The following FOXP2 variants were observed in gnomAD, a reference collection of about 807,000 sequenced individuals.
The protein encoded by FOXP2 is forkhead box P2, also known as forkhead box protein P2.
FOXP2 carries 12 observed loss-of-function variants against 115.8 expected under a neutral mutation model. That is an observed-to-expected ratio of 0.10 (90% CI 0.07 to 0.17). FOXP2 has a LOEUF of 0.17. Ranked by LOEUF, FOXP2 falls within the 10% of genes least tolerant of loss-of-function variation. The probability of loss-of-function intolerance (pLI) is 1.00; values close to 1 mark genes in which losing one functional copy is unlikely to be tolerated. For missense variants in FOXP2, 629 were observed against 843.5 expected, an observed-to-expected ratio of 0.75 and a Z score of 3.15; for synonymous variants, 328 against 297.7, an observed-to-expected ratio of 1.10 and a Z score of -1.05.
intron 8 of FOXP2, 200 bp downstream of exon 8, chr7:114,644,989 G>A: frequency 4.1e-6 from 2 of 493,218 alleles, no homozygotes; most frequent in Non-Finnish European, 7.3e-6. Context: ...AAATCATTTA[G>A]TAAAGATTTT....
At chr7:114,287,778 T>C (rs1377983687) in intron 1 of FOXP2, among the ~76,000 whole-genome samples, 1 of 151,974 alleles carries the variant, frequency 6.6e-6, no homozygotes, top group Non-Finnish European at 1.5e-5. Flanking sequence ...AAGTGCATCT[T>C]ATGCTGTCTC....
At chr7:114,388,765 C>A (rs1235344263) in intron 2 of FOXP2, among the ~76,000 whole-genome samples, 1 of 131,092 alleles carries the variant, frequency 7.6e-6, no homozygotes, top group Admixed American at 7.2e-5. Context: ...ATTTAGACAA[C>A]TTAACAGCAT....
chr7:114,399,775 A>G (rs1309866897), intron 2 of FOXP2, among the ~76,000 whole-genome samples: 2 of 152,138 alleles, frequency 1.3e-5, no homozygotes, highest in African/African-American at 4.8e-5. Flanking sequence ...TATTGGGACA[A>G]AAAACAGACC....
chr7:114,413,329 C>T (rs187813219), upstream of FOXP2, among the ~76,000 whole-genome samples: 44 of 152,094 alleles, frequency 2.9e-4, no homozygotes, highest in East Asian at 5.2e-3. Flanking sequence ...CTTGAATATT[C>T]GCAGTTGTTT....
intron 1 of FOXP2, among the ~76,000 whole-genome samples, chr7:114,131,632 G>T (rs985838128): frequency 3.9e-5 from 6 of 152,054 alleles, no homozygotes; most frequent in Non-Finnish European, 8.8e-5. Context: ...GAATTGCCAA[G>T]ATTCCATTGC....
rs1467024047 is a variant in FOXP2, at chr7:114,693,722, C to G, written c.*3796C>G. Reference sequence around the variant, plus strand: ...TGAAACCATTTCATTCACTTGATTACATTTCTGAAGTATAAATAAAAAAAT... The same window carrying G: ...TGAAACCATTTCATTCACTTGATTAGATTTCTGAAGTATAAATAAAAAAAT... On this transcript the variant is annotated 3_prime_UTR_variant, in exon 17 of 17. Coordinates refer to ENST00000350908, the MANE Select transcript of FOXP2 (RefSeq NM_014491.4). 3.1e-6 allele frequency: 1 copy of G among 326,440 alleles called. No individual in the cohort carries two copies. The highest frequency in any genetic ancestry group is 2.2e-5 in the African/African-American group (1 of 45,692). The allele number at this position is 326,440 out of a possible 1,614,324, so 20.2% of individuals were successfully genotyped here.
chr7:114,619,267 T>C (rs1374289494), intron 3 of FOXP2, among the ~76,000 whole-genome samples: 2 of 152,174 alleles, frequency 1.3e-5, no homozygotes, highest in Non-Finnish European at 2.9e-5. Context: ...ATACTAGTTA[T>C]ATTATCTTCA....
At chr7:114,636,296 G>T (rs1040178437) in intron 6 of FOXP2, among the ~76,000 whole-genome samples, 5 of 152,128 alleles carry the variant, frequency 3.3e-5, no homozygotes, top group African/African-American at 9.7e-5. Context: ...TTCTGGCCAT[G>T]TATGTATACC....
At chr7:114,461,623 T>A (rs910018565) in intron 2 of FOXP2, among the ~76,000 whole-genome samples, 6 of 152,174 alleles carry the variant, frequency 3.9e-5, no homozygotes, top group African/African-American at 1.4e-4. Context: ...ACTAGGTTTC[T>A]TTCTGAAATT....
At chr7:114,201,951 A>G (rs956965875) in intron 1 of FOXP2, among the ~76,000 whole-genome samples, 2 of 152,200 alleles carry the variant, frequency 1.3e-5, no homozygotes, top group African/African-American at 4.8e-5. Flanking sequence ...ATCAAACTGT[A>G]AGAAACAAGA....
At chr7:114,652,125 T>C in intron 8 of FOXP2, 78 bp from the exon 9 acceptor site, 1 of 1,297,164 alleles carries the variant, frequency 7.7e-7, no homozygotes, top group Admixed American at 1.7e-5. Context: ...GACTTCAGTG[T>C]AGTGCTTTTT....
intron 1 of FOXP2, among the ~76,000 whole-genome samples, chr7:114,256,011 G>A (rs1795601511): frequency 6.6e-6 from 1 of 152,190 alleles, no homozygotes. Flanking sequence ...CCCACTCACA[G>A]TGTAAAAGTA....
intron 1 of FOXP2, among the ~76,000 whole-genome samples, chr7:114,236,706 A>G (rs923616085): frequency 2.0e-5 from 3 of 152,206 alleles, no homozygotes; most frequent in Non-Finnish European, 4.4e-5. Context: ...TTACATGCAC[A>G]GTGGTCACTC....
intron 1 of FOXP2, among the ~76,000 whole-genome samples, chr7:114,092,307 C>G (rs75640853): frequency 8.6e-4 from 130 of 151,898 alleles, no homozygotes; most frequent in African/African-American, 3.1e-3. Flanking sequence ...ATTAGAATGT[C>G]TTAAAGATTT....
At chr7:114,531,638 T>C (rs1472333064) in intron 2 of FOXP2, among the ~76,000 whole-genome samples, 1 of 151,978 alleles carries the variant, frequency 6.6e-6, no homozygotes, top group African/African-American at 2.4e-5. Flanking sequence ...CAGTCTCTAC[T>C]CTACCAAAAG....
In FOXP2 at chr7:114,631,627, C is replaced by T. The variant is rs1440990752; in HGVS notation, c.697C>T (p.Leu233=). Residue 233 remains leucine, a synonymous_variant, in exon 6 of 17, where the codon CTG becomes TTG. Coordinates refer to ENST00000350908, the MANE Select transcript of FOXP2 (RefSeq NM_014491.4). Reference sequence around the variant, plus strand: ...GCAACAACTCCAGCAGCAGCAGCATCTGCTCAGCCTTCAGCGTCAGGGACT... The same window carrying T: ...GCAACAACTCCAGCAGCAGCAGCATTTGCTCAGCCTTCAGCGTCAGGGACT... ...QMQQLQQQQH[L]LSLQRQGLIS... is the part of the protein sequence containing the mutation. 24 of 1,614,026 alleles carry T rather than the reference C, an allele frequency of 1.5e-5. No homozygotes were observed. The highest frequency in any genetic ancestry group is 1.9e-5 in the Non-Finnish European group (23 of 1,179,996).
chr7:114,182,083 T>C (rs1456201638), intron 1 of FOXP2, among the ~76,000 whole-genome samples: 1 of 152,122 alleles, frequency 6.6e-6, no homozygotes, highest in African/African-American at 2.4e-5. Flanking sequence ...GATTGTTAAC[T>C]TCTTTTGAAC....
chr7:114,365,962 G>T (rs1439594501), intron 2 of FOXP2, among the ~76,000 whole-genome samples: 1 of 151,874 alleles, frequency 6.6e-6, no homozygotes, highest in Non-Finnish European at 1.5e-5. Flanking sequence ...TATGAGTTTT[G>T]GGGTTTTTAC....
chr7:114,611,635 G>A (rs1006140432), intron 3 of FOXP2, among the ~76,000 whole-genome samples: 5 of 152,176 alleles, frequency 3.3e-5, no homozygotes, highest in South Asian at 2.1e-4. Flanking sequence ...ATAACTACAG[G>A]AAGTTTTCTT....
Sources: gnomAD v4.1 joint callset for allele counts (sites outside exome capture counted in the v4.1 genomes callset) on GRCh38, gnomAD v4.1.1 for gene constraint, MANE v1.5 for transcripts, NCBI Gene and HGNC (gene_info 2026-07-23, HGNC 2026-07-21) for gene names.